Variants in IL1RAPL1 observed in about 807,000 individuals in gnomAD.
IL1RAPL1 encodes the protein interleukin 1 receptor accessory protein like 1, also known as interleukin-1 receptor accessory protein-like 1.
A neutral mutation model predicts 48.4 loss-of-function variants in IL1RAPL1; 3 were observed. The ratio of observed to expected loss-of-function variants is 0.06; its 90% confidence interval spans 0.03 to 0.16. The LOEUF (loss-of-function observed/expected upper bound fraction) is 0.16. IL1RAPL1 is among the 10% of genes least tolerant of loss of function. IL1RAPL1 has a pLI of 1.00. For missense variants in IL1RAPL1, 349 were observed against 530.6 expected (o/e 0.66, Z 3.36); for synonymous variants, 185 against 187.7 (o/e 0.99, Z 0.12).
chrX:28,603,221 T>C (rs1934046027), intron 1 of IL1RAPL1, among the ~76,000 whole-genome samples: 1 of 111,779 alleles, frequency 8.9e-6, no homozygotes, highest in Non-Finnish European at 1.9e-5. Context: ...ATTTTAAAAG[T>C]GTTCATTATA....
intron 6 of IL1RAPL1, among the ~76,000 whole-genome samples, chrX:29,724,619 C>G (rs775309733): frequency 1.8e-5 from 2 of 111,944 alleles, no homozygotes; most frequent in South Asian, 7.5e-4. Context: ...GCAAGGCAGT[C>G]TAGGTAATAA....
At chrX:29,039,630 T>G (rs1926799697) in intron 2 of IL1RAPL1, among the ~76,000 whole-genome samples, 1 of 110,186 alleles carries the variant, frequency 9.1e-6, no homozygotes, top group Admixed American at 9.8e-5. Flanking sequence ...GTGCTCTAGC[T>G]TTTCACTAGT....
rs764020647 is a variant in IL1RAPL1 at position 29,309,818 on chromosome X, A to G, written c.362+26601A>G. 2.2e-4 allele frequency among the ~76,000 whole-genome samples: 20 copies of G among 90,320 alleles called. No homozygotes were observed. In the East Asian group the frequency reaches 4.5e-3, roughly 20 times the overall value. The allele number at this position is 90,320 out of a possible 115,157, so 78.4% of individuals were successfully genotyped here. A position where few individuals can be genotyped will look rare whatever the true frequency, so the allele number is the denominator to read the frequency against. On this transcript the variant is annotated intron_variant, in intron 3 of 10. Transcript: ENST00000378993. ...ACACTGTCTAAAAAAAAAACTGGCC[A>G]GGCGCGGTGGCTCACGCCTGTAATC... is the stretch of plus-strand genomic sequence containing the variant.
At position 28,625,770 on chromosome X, in the gene IL1RAPL1, T is replaced by TG. The variant is rs1934335278; in HGVS notation, c.-25+37723_-25+37724insG. Among the ~76,000 whole-genome samples, 6 of 95,269 alleles carry TG rather than the reference T, an allele frequency of 6.3e-5. No homozygotes were observed. The South Asian group carries it at 1.7e-3, about 27-fold the overall frequency. The allele number at this position is 95,269 out of a possible 115,157, so 82.7% of individuals were successfully genotyped here. ...TGTGTGTGTGTGTGTGTGTGTGTGT[T>TG]TTACCAAGAATCTATATAGGTGCTT... On this transcript the variant is annotated intron_variant, in intron 1 of 10. Transcript: ENST00000378993.
At chrX:29,843,337 C>T (rs1368182828) in intron 6 of IL1RAPL1, among the ~76,000 whole-genome samples, 6 of 112,041 alleles carry the variant, frequency 5.4e-5, no homozygotes, top group Non-Finnish European at 1.1e-4. Flanking sequence ...AATAATATCT[C>T]TGCTGTGGTT....
At chrX:29,186,963 G>T (rs1930263946) in intron 2 of IL1RAPL1, among the ~76,000 whole-genome samples, 1 of 110,513 alleles carries the variant, frequency 9.0e-6, no homozygotes, top group Non-Finnish European at 1.9e-5. Context: ...ACACACTCGA[G>T]CCTGTTGGAG....
intron 3 of IL1RAPL1, among the ~76,000 whole-genome samples, chrX:29,363,388 A>G (rs963980869): frequency 3.6e-5 from 4 of 111,723 alleles, no homozygotes; most frequent in African/African-American, 1.3e-4. Flanking sequence ...CATCCCAAAC[A>G]TAGCACCTCA....
chrX:29,048,075 G>T (rs142907956), intron 2 of IL1RAPL1, among the ~76,000 whole-genome samples: 262 of 110,981 alleles, frequency 2.4e-3, no homozygotes, highest in Admixed American at 4.6e-3. Context: ...CAACTTTTAC[G>T]TGTATGTGTG....
intron 2 of IL1RAPL1, among the ~76,000 whole-genome samples, chrX:28,793,460 C>T (rs1936576579): frequency 9.0e-6 from 1 of 110,638 alleles, no homozygotes; most frequent in Non-Finnish European, 1.9e-5. Context: ...TTTTCATATT[C>T]CCACTGTGTC....
chrX:28,932,385 T>G (rs1377276574), intron 2 of IL1RAPL1, among the ~76,000 whole-genome samples: 1 of 111,946 alleles, frequency 8.9e-6, no homozygotes, highest in Non-Finnish European at 1.9e-5. Flanking sequence ...GTCTCATTAT[T>G]TTCTTACAAT....
At chrX:28,938,484 A>G (rs1051737083) in intron 2 of IL1RAPL1, among the ~76,000 whole-genome samples, 2 of 111,266 alleles carry the variant, frequency 1.8e-5, no homozygotes, top group African/African-American at 6.5e-5. Flanking sequence ...GAAGATTGAA[A>G]CTGGACCCCC....
intron 5 of IL1RAPL1, among the ~76,000 whole-genome samples, chrX:29,500,790 C>T (rs746403746): frequency 3.6e-5 from 4 of 110,874 alleles, no homozygotes; most frequent in Non-Finnish European, 5.7e-5. Context: ...AAGTGTAGAT[C>T]TCTCTTTGAT....
In IL1RAPL1 at chrX:29,590,757, T is replaced by C. The variant is rs143103251; in HGVS notation, c.704-77673T>C. 4.9e-3 allele frequency among the ~76,000 whole-genome samples: 543 copies of C among 111,377 alleles called. 6 individuals carry two copies. The highest frequency in any genetic ancestry group is 0.027 in the East Asian group (96 of 3,507). On this transcript the variant is annotated intron_variant, in intron 5 of 10. Coordinates refer to ENST00000378993, the MANE Select transcript of IL1RAPL1 (RefSeq NM_014271.4). Reference sequence around the variant, plus strand: ...CTCCTTATAGAAGTCACAGTGATCATTGGAGTTGATGACTGCATAAACTAT... The same window carrying C: ...CTCCTTATAGAAGTCACAGTGATCACTGGAGTTGATGACTGCATAAACTAT...
At chrX:29,209,482 A>G (rs1341231071) in intron 2 of IL1RAPL1, among the ~76,000 whole-genome samples, 1 of 112,153 alleles carries the variant, frequency 8.9e-6, no homozygotes, top group Non-Finnish European at 1.9e-5. Context: ...GTGTGTATAT[A>G]TTGAATCTCC....
At chrX:29,299,528 T>G (rs1932501312) in intron 3 of IL1RAPL1, among the ~76,000 whole-genome samples, 1 of 111,970 alleles carries the variant, frequency 8.9e-6, no homozygotes, top group South Asian at 3.7e-4. Context: ...TTATAAGTCA[T>G]TTAAGGTAAA....
chrX:29,753,491 G>T (rs1411751954), intron 6 of IL1RAPL1, among the ~76,000 whole-genome samples: 1 of 111,813 alleles, frequency 8.9e-6, no homozygotes, highest in Non-Finnish European at 1.9e-5. Flanking sequence ...AGCCTTTTGT[G>T]TGACAACCTA....
At chrX:29,734,638 A>G (rs777464273) in intron 6 of IL1RAPL1, among the ~76,000 whole-genome samples, 34 of 112,341 alleles carry the variant, frequency 3.0e-4, no homozygotes, top group Non-Finnish European at 6.0e-4. Flanking sequence ...TTGATAAGCT[A>G]TCTCATCAGT....
chrX:29,088,839 A>T (rs1218338178), intron 2 of IL1RAPL1, among the ~76,000 whole-genome samples: 1 of 111,047 alleles, frequency 9.0e-6, no homozygotes, highest in African/African-American at 3.3e-5. Flanking sequence ...GCAAAAAAGA[A>T]TTATAAAAAA....
At chrX:29,598,629 A>G (rs1202395189) in intron 5 of IL1RAPL1, among the ~76,000 whole-genome samples, 2 of 111,764 alleles carry the variant, frequency 1.8e-5, no homozygotes, top group African/African-American at 3.3e-5. Context: ...TGGATTATTA[A>G]AGTCACCCAC....
Sources: gnomAD v4.1 joint callset for allele counts (sites outside exome capture counted in the v4.1 genomes callset) on GRCh38, gnomAD v4.1.1 for gene constraint, MANE v1.5 for transcripts, NCBI Gene and HGNC (gene_info 2026-07-23, HGNC 2026-07-21) for gene names.